Variants in MAGI2 observed in about 807,000 individuals in gnomAD.
MAGI2 encodes the protein membrane-associated guanylate kinase, WW and PDZ domain-containing protein 2.
Under a neutral mutation model 133.3 loss-of-function variants are expected in MAGI2, and 35 were observed. The ratio of observed to expected loss-of-function variants is 0.26; its 90% CI spans 0.20 to 0.35. The LOEUF (loss-of-function observed/expected upper bound fraction) is 0.35. Ranked by LOEUF, MAGI2 falls within the 10% of genes least tolerant of loss-of-function variation. The probability of loss-of-function intolerance (pLI) is 1.00; values close to 1 mark genes in which losing one functional copy is unlikely to be tolerated. For synonymous variants in MAGI2, 729 were observed against 710.6 expected, an observed-to-expected ratio of 1.03 and a Z score of -0.41; for missense variants, 1,636 against 1,863.4, an observed-to-expected ratio of 0.88 and a Z score of 2.25.
At chr7:79,010,090 TGTG>T (rs1426049736) in intron 1 of MAGI2, among the ~76,000 whole-genome samples, 4 of 152,106 alleles carry the variant, frequency 2.6e-5, no homozygotes, top group Non-Finnish European at 1.5e-5. Flanking sequence ...CATATATTTT[TGTG>T]TATGTATATA....
At chr7:78,396,867 A>G (rs992004712) in intron 6 of MAGI2, among the ~76,000 whole-genome samples, 10 of 152,174 alleles carry the variant, frequency 6.6e-5, no homozygotes, top group African/African-American at 2.4e-4. Context: ...TGACCCTATG[A>G]GACAGTATTA....
chr7:78,769,272 T>TA (rs398095166), intron 2 of MAGI2, among the ~76,000 whole-genome samples: 1 of 151,456 alleles, frequency 6.6e-6, no homozygotes, highest in East Asian at 1.9e-4. Context: ...TTTTTTTTTT[T>TA]AACCTGTCAG....
chr7:78,827,095 T>C (rs1790728645), intron 2 of MAGI2, among the ~76,000 whole-genome samples: 1 of 152,108 alleles, frequency 6.6e-6, no homozygotes, highest in African/African-American at 2.4e-5. Flanking sequence ...TTCATATAGA[T>C]ACATTAAAAT....
chr7:78,461,578 T>TC (rs1790023202), intron 6 of MAGI2, among the ~76,000 whole-genome samples: 1 of 152,054 alleles, frequency 6.6e-6, no homozygotes, highest in Non-Finnish European at 1.5e-5. Flanking sequence ...GTTTTGGATT[T>TC]AGAGCTTTTC....
chr7:78,801,056 G>A (rs1464917130), intron 2 of MAGI2, among the ~76,000 whole-genome samples: 1 of 152,114 alleles, frequency 6.6e-6, no homozygotes, highest in Non-Finnish European at 1.5e-5. Flanking sequence ...TTAAGTGATT[G>A]ACAAAGTTTG....
intron 20 of MAGI2, among the ~76,000 whole-genome samples, chr7:78,093,003 G>T (rs1193704579): frequency 1.3e-5 from 2 of 151,826 alleles, no homozygotes. Context: ...GGGTGTGGTG[G>T]GGGGTGCCTG....
chr7:78,566,496 A>G (rs1367460180), intron 3 of MAGI2, among the ~76,000 whole-genome samples: 3 of 150,724 alleles, frequency 2.0e-5, no homozygotes, highest in Admixed American at 6.6e-5. Context: ...CAATCTATCC[A>G]GGATGATGAA....
chr7:78,170,033 G>A (rs192792470), intron 14 of MAGI2, among the ~76,000 whole-genome samples: 10 of 152,334 alleles, frequency 6.6e-5, no homozygotes, highest in East Asian at 1.9e-4. Flanking sequence ...GAAAAGGTGC[G>A]TTTAGTTGGT....
intron 1 of MAGI2, among the ~76,000 whole-genome samples, chr7:79,297,568 C>A (rs1199538406): frequency 1.3e-5 from 2 of 152,162 alleles, no homozygotes; most frequent in Non-Finnish European, 2.9e-5. Flanking sequence ...ACCCAGTACT[C>A]TTCTAGTTGA....
chr7:78,413,065 T>A (rs7810461), intron 6 of MAGI2, among the ~76,000 whole-genome samples: 3,528 of 152,184 alleles, frequency 0.023, 135 homozygotes, highest in African/African-American at 0.08. Flanking sequence ...GTCACTGTTA[T>A]CTGAAGTCAG....
rs1264867031 is a variant in MAGI2, at chr7:78,314,611, GTGCACACATGGCCCCTGGGGCCTC to G, written c.1408+29143_1408+29166del. On this transcript the variant is annotated intron_variant, in intron 9 of 21. Transcript: ENST00000354212. Reference sequence around the variant, plus strand: ...GTTTAAGAGTGTTAACCAGGGGCATGTGCACACATGGCCCCTGGGGCCTCTGAGTTGATTGTTTTTCAGCCTATT... The same window carrying G: ...GTTTAAGAGTGTTAACCAGGGGCATGTGAGTTGATTGTTTTTCAGCCTATT... Among the ~76,000 whole-genome samples, 8 of 152,292 alleles carry G rather than the reference GTGCACACATGGCCCCTGGGGCCTC, an allele frequency of 5.3e-5. No individual in the cohort carries two copies. The East Asian group carries it at 1.4e-3, about 26-fold the overall frequency.
chr7:78,066,459 C>T (rs1386341227), intron 21 of MAGI2, among the ~76,000 whole-genome samples: 1 of 90,906 alleles, frequency 1.1e-5, no homozygotes, highest in Non-Finnish European at 2.6e-5. Flanking sequence ...GAGACTCTGT[C>T]TTAAAAAAAA....
intron 1 of MAGI2, among the ~76,000 whole-genome samples, chr7:79,020,590 C>G (rs981696047): frequency 6.6e-6 from 1 of 151,906 alleles, no homozygotes; most frequent in Non-Finnish European, 1.5e-5. Flanking sequence ...CATGGTGAAA[C>G]CCCATCTCTT....
rs527240650 is a variant in MAGI2 at position 79,140,756 on chromosome 7, G to C, written c.302-133550C>G. Among the ~76,000 whole-genome samples the C allele has an allele frequency of 4.6e-5, 7 of 152,032 alleles. No homozygotes were observed. The South Asian group carries it at 1.5e-3, about 32-fold the overall frequency. On this transcript the variant is annotated intron_variant, in intron 1 of 21. Coordinates refer to ENST00000354212, the MANE Select transcript of MAGI2 (RefSeq NM_012301.4). ...TCTTAATATGGCTTTGATCTATTTG[G>C]TATATCGTTGTTCTCCCACTATCCT... is the stretch of plus-strand genomic sequence containing the variant.
intron 9 of MAGI2, among the ~76,000 whole-genome samples, chr7:78,262,947 T>C (rs1009020122): frequency 2.0e-4 from 31 of 152,146 alleles, no homozygotes; most frequent in Non-Finnish European, 8.8e-5. Context: ...TAGTGCCCAA[T>C]AGGGAGGTTT....
At chr7:79,447,785 TTTAAC>T (rs1175529563) in intron 1 of MAGI2, among the ~76,000 whole-genome samples, 1 of 151,910 alleles carries the variant, frequency 6.6e-6, no homozygotes, top group Non-Finnish European at 1.5e-5. Flanking sequence ...CAAATAGCCT[TTTAAC>T]TTATTTACAT....
chr7:79,438,038 T>A (rs556998628), intron 1 of MAGI2, among the ~76,000 whole-genome samples: 1 of 152,168 alleles, frequency 6.6e-6, no homozygotes, highest in Non-Finnish European at 1.5e-5. Context: ...ATTTCCACTC[T>A]TGATCTCTTC....
chr7:78,201,258 G>A lies in MAGI2; in HGVS notation c.2048-65C>T, dbSNP rs1352874119. On this transcript the variant is annotated intron_variant, in intron 10 of 21. Transcript: ENST00000354212. The stretch of plus-strand genomic sequence containing the variant: ...ACCGACTGCCACTTATGGGTGGCAC[G>A]ATATTAAGATAATTGTAATTGATTT... 6 of 710,302 alleles carry A rather than the reference G, an allele frequency of 8.4e-6. No individual in the cohort carries two copies. The East Asian group carries it at 9.0e-5, about 11-fold the overall frequency. The allele number at this position is 710,302 out of a possible 1,614,324, so 44.0% of individuals were successfully genotyped here.
rs760517354 is a variant in MAGI2 at position 78,160,136 on chromosome 7, C to G, written c.2734G>C (p.Ala912Pro). Reference protein sequence around the residue: ...SSNASPPEGFASHSLQTSDVV... With the variant: ...SSNASPPEGFPSHSLQTSDVV... ...TCACTGGTCTGCAGGCTGTGGGAGGCGAAGCCTTCAGGGGGAGAGGCATTG... is the reference window on the plus strand; with the variant it reads ...TCACTGGTCTGCAGGCTGTGGGAGGGGAAGCCTTCAGGGGGAGAGGCATTG... Residue 912 changes from alanine to proline, a missense_variant, in exon 16 of 22, where the codon GCC becomes CCC. Physicochemically the swap from Ala to Pro is conservative, Grantham distance 27. Coordinates refer to ENST00000354212, the MANE Select transcript of MAGI2 (RefSeq NM_012301.4). 1 of 1,611,702 alleles carries G rather than the reference C, an allele frequency of 6.2e-7. No individual in the cohort carries two copies. Among genetic ancestry groups the G allele is most frequent in the African/African-American group, 1.3e-5 (1 of 74,894 alleles).
Sources: gnomAD v4.1 joint callset for allele counts (sites outside exome capture counted in the v4.1 genomes callset) on GRCh38, gnomAD v4.1.1 for gene constraint, MANE v1.5 for transcripts, NCBI Gene and HGNC (gene_info 2026-07-23, HGNC 2026-07-21) for gene names.